Variants in SLC25A21 observed in about 807,000 individuals in gnomAD.
SLC25A21 encodes solute carrier family 25 member 21, also known as mitochondrial 2-oxodicarboxylate carrier.
SLC25A21 carries 47 observed loss-of-function variants against 43.8 expected under a neutral mutation model. The ratio of observed to expected loss-of-function variants is 1.07; its 90% CI spans 0.85 to 1.37. The LOEUF is 1.37. SLC25A21 is among the 40% of genes most tolerant of loss of function. The pLI, the probability that SLC25A21 is intolerant of heterozygous loss-of-function variation, is 0.00. For synonymous variants in SLC25A21, 131 were observed against 121.3 expected (o/e 1.08, Z -0.52); for missense variants, 352 against 350.2 (o/e 1.00, Z -0.04).
At chr14:36,745,714 G>A (rs1038246894) in intron 3 of SLC25A21, among the ~76,000 whole-genome samples, 4 of 152,094 alleles carry the variant, frequency 2.6e-5, no homozygotes, top group Middle Eastern at 6.8e-3. Flanking sequence ...TTGTAAACTT[G>A]TTTAAGTTCT....
chr14:36,709,988 A>G (rs1883764030), intron 7 of SLC25A21, among the ~76,000 whole-genome samples: 1 of 152,204 alleles, frequency 6.6e-6, no homozygotes, highest in Non-Finnish European at 1.5e-5. Flanking sequence ...ACTATGGCTT[A>G]AAAGCACATC....
intron 1 of SLC25A21, among the ~76,000 whole-genome samples, chr14:37,087,274 A>G (rs1962503547): frequency 6.6e-6 from 1 of 152,210 alleles, no homozygotes. Context: ...CGTATTTTCC[A>G]TCATCTGAAT....
intron 1 of SLC25A21, among the ~76,000 whole-genome samples, chr14:36,927,075 C>A (rs1892152869): frequency 6.6e-6 from 1 of 152,260 alleles, no homozygotes; most frequent in South Asian, 2.1e-4. Context: ...GAGGCTGAGA[C>A]ACAAGAGTCG....
intron 1 of SLC25A21, among the ~76,000 whole-genome samples, chr14:37,134,356 C>A (rs1052537995): frequency 6.6e-5 from 10 of 151,954 alleles, no homozygotes; most frequent in Admixed American, 3.3e-4. Context: ...ATTAAGAGAG[C>A]CTCTAAGTAA....
chr14:36,693,914 T>A lies in SLC25A21; in HGVS notation c.604-8989A>T, dbSNP rs200557079. On this transcript the variant is annotated intron_variant, in intron 7 of 9. Coordinates refer to ENST00000331299, the MANE Select transcript of SLC25A21 (RefSeq NM_030631.4). ...CCACAAAAGTTCCACCAAAATTTTT[T>A]AAAAAATTATTATTATACTTTAAGT... 9.5e-4 allele frequency among the ~76,000 whole-genome samples: 144 copies of A among 152,282 alleles called. 2 individuals are homozygous for A. In the East Asian group the frequency reaches 0.011, roughly 12 times the overall value.
chr14:37,120,037 T>G (rs1963179201), intron 1 of SLC25A21, among the ~76,000 whole-genome samples: 1 of 152,202 alleles, frequency 6.6e-6, no homozygotes, highest in Non-Finnish European at 1.5e-5. Flanking sequence ...GAACATACTT[T>G]ACATAAATCA....
intron 6 of SLC25A21, among the ~76,000 whole-genome samples, chr14:36,717,363 G>T (rs976987891): frequency 2.6e-5 from 4 of 152,154 alleles, no homozygotes; most frequent in African/African-American, 9.7e-5. Context: ...AAAAAGATAC[G>T]CAGATATAGT....
chr14:36,991,027 T>C (rs569057389), intron 1 of SLC25A21, among the ~76,000 whole-genome samples: 1 of 152,290 alleles, frequency 6.6e-6, no homozygotes, highest in East Asian at 1.9e-4. Context: ...CAGCTTACAG[T>C]TTTCCCTTCC....
At chr14:37,024,161 C>T (rs1227299035) in intron 1 of SLC25A21, among the ~76,000 whole-genome samples, 1 of 152,092 alleles carries the variant, frequency 6.6e-6, no homozygotes, top group Non-Finnish European at 1.5e-5. Flanking sequence ...TCCATCATTT[C>T]ATTGCAATGC....
At chr14:36,805,646 C>T (rs1404961945) in intron 3 of SLC25A21, among the ~76,000 whole-genome samples, 1 of 151,840 alleles carries the variant, frequency 6.6e-6, no homozygotes, top group African/African-American at 2.4e-5. Context: ...GTTTTTAAAA[C>T]TATTGAAATA....
rs958525838 is a variant in SLC25A21, at chr14:37,097,176, C to T, written c.70+75105G>A. 3 of 152,140 alleles carry T rather than the reference C, an allele frequency of 2.0e-5. No homozygotes were observed. The East Asian group carries it at 5.8e-4, about 29-fold the overall frequency. 9.4% of individuals were successfully genotyped at this position (152,140 alleles called of 1,614,324 possible). A position where few individuals can be genotyped will look rare whatever the true frequency, so the allele number is the denominator to read the frequency against. On this transcript the variant is annotated intron_variant, in intron 1 of 9. Transcript: ENST00000331299. ...AGCGCAGTGGTGCTATCTCAGCTCA[C>T]TGCAGCCTCCACCTCCTGGGTTCAA...
chr14:36,952,000 C>A (rs1019462444), intron 1 of SLC25A21, among the ~76,000 whole-genome samples: 6 of 152,002 alleles, frequency 3.9e-5, no homozygotes, highest in African/African-American at 1.4e-4. Flanking sequence ...TTTGGGAGGC[C>A]AAGGAGGGCA....
intron 1 of SLC25A21, among the ~76,000 whole-genome samples, chr14:36,968,839 C>T (rs908164189): frequency 7.9e-5 from 12 of 152,130 alleles, no homozygotes; most frequent in South Asian, 6.2e-4. Context: ...GGAGAAGAGG[C>T]TCAGCAAGGG....
intron 1 of SLC25A21, among the ~76,000 whole-genome samples, chr14:37,156,910 C>T (rs28800853): frequency 0.41 from 62,297 of 152,090 alleles, 15,272 homozygotes; most frequent in Non-Finnish European, 0.55. Flanking sequence ...TGAATTTAAA[C>T]TGCACATTAG....
intron 1 of SLC25A21, among the ~76,000 whole-genome samples, chr14:37,004,990 G>A (rs1021170259): frequency 1.3e-4 from 19 of 148,242 alleles, no homozygotes; most frequent in African/African-American, 4.7e-4. Context: ...GTGGCTTTAT[G>A]ATCCATATCT....
chr14:36,895,839 G>T (rs1455575151), intron 1 of SLC25A21, among the ~76,000 whole-genome samples: 1 of 152,210 alleles, frequency 6.6e-6, no homozygotes, highest in Non-Finnish European at 1.5e-5. Flanking sequence ...TTTCCATATA[G>T]TTGTGCGGTT....
At chr14:36,815,302 G>C (rs552334293) in intron 2 of SLC25A21, among the ~76,000 whole-genome samples, 6 of 151,838 alleles carry the variant, frequency 4.0e-5, no homozygotes, top group South Asian at 4.1e-4. Context: ...AAATCTGCAC[G>C]TTCTGCATAT....
intron 1 of SLC25A21, among the ~76,000 whole-genome samples, chr14:36,935,645 C>G (rs1164888934): frequency 6.6e-6 from 1 of 151,810 alleles, no homozygotes; most frequent in Non-Finnish European, 1.5e-5. Flanking sequence ...TTGAATATAC[C>G]AGGCTACAGC....
chr14:36,825,626 T>C (rs983904531), intron 2 of SLC25A21, among the ~76,000 whole-genome samples: 2 of 152,220 alleles, frequency 1.3e-5, no homozygotes, highest in African/African-American at 4.8e-5. Context: ...ATGCTGACTT[T>C]AGCTAGCAGC....
Sources: gnomAD v4.1 joint callset for allele counts (sites outside exome capture counted in the v4.1 genomes callset) on GRCh38, gnomAD v4.1.1 for gene constraint, MANE v1.5 for transcripts, NCBI Gene and HGNC (gene_info 2026-07-23, HGNC 2026-07-21) for gene names.